The following CHD7 variants were observed in gnomAD, a reference collection of about 807,000 sequenced individuals.
CHD7 encodes ATP-dependent chromatin remodeler CHD7.
CHD7 carries 24 observed loss-of-function variants against 307.3 expected under a neutral mutation model. The ratio of observed to expected loss-of-function variants is 0.08; its 90% CI spans 0.06 to 0.11. The LOEUF (loss-of-function observed/expected upper bound fraction) is 0.11, where lower values mean the gene tolerates loss of function less well. Among genes scored for constraint, CHD7 ranks in the 10% least tolerant of loss-of-function variants. CHD7 has a pLI of 1.00. For synonymous variants in CHD7, 1,363 were observed against 1,349.9 expected, an observed-to-expected ratio of 1.01 and a Z score of -0.21; for missense variants, 3,106 against 3,727.1, an observed-to-expected ratio of 0.83 and a Z score of 4.34.
At chr8:60,758,215 G>A (rs1809991136) in intron 2 of CHD7, among the ~76,000 whole-genome samples, 2 of 151,768 alleles carry the variant, frequency 1.3e-5, no homozygotes, top group Admixed American at 6.6e-5. Context: ...GGCTCACTGC[G>A]TCCTCTACCT....
chr8:60,801,718 C>T, intron 6 of CHD7, 125 bp downstream of exon 6: 1 of 656,560 alleles, frequency 1.5e-6, no homozygotes, highest in South Asian at 2.1e-5. Flanking sequence ...ATTTCTAATC[C>T]TGTCTAATTT....
At chr8:60,812,082 T>C (rs910773673) in intron 7 of CHD7, among the ~76,000 whole-genome samples, 2 of 152,236 alleles carry the variant, frequency 1.3e-5, no homozygotes, top group Non-Finnish European at 2.9e-5. Flanking sequence ...AACTATCTTA[T>C]CTCAGTTTCG....
chr8:60,821,829 T>C lies in CHD7; in HGVS notation c.2737T>C (p.Tyr913His). 1 of 1,575,946 alleles carries C rather than the reference T, an allele frequency of 6.3e-7. No homozygotes were observed. Among genetic ancestry groups the C allele is most frequent in the Non-Finnish European group, 8.6e-7 (1 of 1,160,094 alleles). ...TCTGGTGAAGTGGTGTTCACTTCCT[T>C]ATGAAGACAGCACGTGGGAGCGGAG... ...HYLVKWCSLP[Y>H]EDSTWERRQD... The change falls in exon 10 of 38, where the codon TAT (tyrosine) becomes CAT (histidine). Residue 913 changes from tyrosine to histidine, a missense_variant. By Grantham distance (83) the Tyr-to-His change is moderately conservative (BLOSUM62 2). Transcript: ENST00000423902.
chr8:60,762,151 A>G (rs1810246188), intron 2 of CHD7, among the ~76,000 whole-genome samples: 1 of 152,078 alleles, frequency 6.6e-6, no homozygotes, highest in Non-Finnish European at 1.5e-5. Context: ...TCCTCTCAGT[A>G]AAGTCCTTCT....
At chr8:60,767,938 TGTTA>T (rs1369226097) in intron 2 of CHD7, among the ~76,000 whole-genome samples, 1 of 152,238 alleles carries the variant, frequency 6.6e-6, no homozygotes, top group African/African-American at 2.4e-5. Context: ...ACCTCACAGA[TGTTA>T]GTTAGGTATC....
At chr8:60,723,120 G>T (rs1424245068) in intron 1 of CHD7, among the ~76,000 whole-genome samples, 1 of 151,588 alleles carries the variant, frequency 6.6e-6, no homozygotes, top group Admixed American at 6.6e-5. Context: ...TTTTAAATTT[G>T]TATTTGTTAA....
At chr8:60,850,963 C>T in intron 26 of CHD7, 69 bp from the exon 27 acceptor site, 1 of 1,118,898 alleles carries the variant, frequency 8.9e-7, no homozygotes, top group African/African-American at 1.6e-5. Flanking sequence ...TTACTCTTTC[C>T]TACCCACCCC....
rs947072247 is a variant in CHD7 at position 60,856,113 on chromosome 8, C to A, written c.7075C>A (p.Gln2359Lys). The change falls in exon 33 of 38, where the codon CAG (glutamine) becomes AAG (lysine). Residue 2359 changes from glutamine (Q) to lysine (K), a missense_variant. Gln to Lys is a moderately conservative substitution (Grantham distance 53). Coordinates refer to ENST00000423902, the MANE Select transcript of CHD7 (RefSeq NM_017780.4). ...YTPTTVDSPL[Q>K]KRSFAELSMV... ...ACCCACCACAGTGGACAGCCCCTTG[C>A]AGAAGAGGAGCTTTGCTGAGCTCTC... is the stretch of plus-strand genomic sequence containing the variant. 1 of 1,610,944 alleles carries A rather than the reference C, an allele frequency of 6.2e-7. No individual in the cohort carries two copies.
chr8:60,793,925 C>G (rs967087990), intron 3 of CHD7, among the ~76,000 whole-genome samples: 7 of 152,114 alleles, frequency 4.6e-5, no homozygotes, highest in African/African-American at 1.2e-4. Context: ...GAGTTCAAGA[C>G]CAGCATGACC....
chr8:60,796,161 A>C (rs900624268), intron 4 of CHD7, among the ~76,000 whole-genome samples: 2 of 152,200 alleles, frequency 1.3e-5, no homozygotes, highest in African/African-American at 4.8e-5. Context: ...AGGGAGAGAG[A>C]GATGAAGTGA....
chr8:60,810,380 AGTGTGTGTGTGT>A (rs112629399), intron 7 of CHD7, among the ~76,000 whole-genome samples: 1 of 145,980 alleles, frequency 6.9e-6, no homozygotes, highest in African/African-American at 2.6e-5. Flanking sequence ...AGAGAGAGAG[AGTGTGTGTGTGT>A]GTGTGTGTGT....
In CHD7 at chr8:60,842,058, T is replaced by A. The variant is rs745527754; in HGVS notation, c.4850+6T>A. 107 of 1,604,210 alleles carry A rather than the reference T, an allele frequency of 6.7e-5. No individual in the cohort carries two copies. Among genetic ancestry groups the A allele is most frequent in the South Asian group, 5.6e-4 (51 of 90,588 alleles). ...AAGAATCTGCTTGTCTATGGGTAAG[T>A]AGGACTCACTACGTAAGATAGAATT... is the stretch of plus-strand genomic sequence containing the variant. On this transcript the variant is annotated splice_donor_region_variant and intron_variant, in intron 21 of 37. Transcript: ENST00000423902.
At chr8:60,717,903 C>A (rs1214737708) in intron 1 of CHD7, among the ~76,000 whole-genome samples, 3 of 152,146 alleles carry the variant, frequency 2.0e-5, no homozygotes, top group East Asian at 1.9e-4. Context: ...GTTACTGGTT[C>A]TTGTATTTGC....
intron 2 of CHD7, among the ~76,000 whole-genome samples, chr8:60,774,554 A>G (rs961785857): frequency 4.4e-4 from 67 of 152,326 alleles, no homozygotes; most frequent in African/African-American, 1.5e-3. Flanking sequence ...CTGTGCTTGC[A>G]GAGCTGACCC....
chr8:60,863,643 C>G (rs1286292739), intron 37 of CHD7: 1 of 151,908 alleles, frequency 6.6e-6, no homozygotes, highest in East Asian at 1.9e-4. Flanking sequence ...TTTGAAATAT[C>G]CAAAATAACA....
intron 1 of CHD7, among the ~76,000 whole-genome samples, chr8:60,717,098 A>G (rs745416278): frequency 1.4e-5 from 2 of 144,160 alleles, no homozygotes; most frequent in Non-Finnish European, 3.0e-5. Flanking sequence ...AGGTCATTGC[A>G]TCTGGGTACG....
In CHD7 at chr8:60,808,152, C is replaced by A. The variant is rs1812626040; in HGVS notation, c.2443-65C>A. 3.6e-6 allele frequency: 4 copies of A among 1,112,306 alleles called. No individual in the cohort carries two copies. The South Asian group carries it at 5.4e-5, about 15-fold the overall frequency. 68.9% of individuals were successfully genotyped at this position (1,112,306 alleles called of 1,614,324 possible). On this transcript the variant is annotated intron_variant, in intron 6 of 37. Transcript: ENST00000423902. ...ATTTTGTGCTCATATGGGAGTAAAT[C>A]ATTACTTTTAAAATATTCTAGTAGA...
chr8:60,781,912 A>G (rs1811255649), intron 3 of CHD7, among the ~76,000 whole-genome samples: 1 of 152,192 alleles, frequency 6.6e-6, no homozygotes, highest in Admixed American at 6.5e-5. Context: ...TTGAAATCCT[A>G]GTGAGCAGCG....
Position 60,849,128 on chromosome 8 carries a change from C to G in CHD7, c.5378C>G (p.Ser1793Cys). 1 of 1,612,938 alleles carries G rather than the reference C, an allele frequency of 6.2e-7. No homozygotes were observed. Among genetic ancestry groups the G allele is most frequent in the Non-Finnish European group, 8.5e-7 (1 of 1,179,062 alleles). Residue 1793 changes from serine to cysteine, a missense_variant, in exon 25 of 38, where the codon TCC becomes TGC. By Grantham distance (112) the Ser-to-Cys change is moderately radical. This residue lies in a region of CHD7 where 1,030 missense variants were observed against 1,165.4 expected (regional missense o/e 0.88). Transcript: ENST00000423902. ...ADWWDKEADK[S>C]LLIGVFKHGY... ...TGGTGGGATAAGGAAGCAGACAAAT[C>G]CCTCTTAATTGGAGTGTTCAAACAT...
Sources: gnomAD v4.1 joint callset for allele counts (sites outside exome capture counted in the v4.1 genomes callset) on GRCh38, gnomAD v4.1.1 for gene constraint, gnomAD v4.1.1 regional missense constraint, MANE v1.5 for transcripts, NCBI Gene and HGNC (gene_info 2026-07-23, HGNC 2026-07-21) for gene names.